The following ARNT2 variants were observed in gnomAD, a reference collection of about 807,000 sequenced individuals.
ARNT2 encodes the protein aryl hydrocarbon receptor nuclear translocator 2, also known as ARNT protein 2.
ARNT2 carries 36 observed loss-of-function variants against 91.7 expected under a neutral mutation model. The ratio of observed to expected loss-of-function variants is 0.39; its 90% CI spans 0.30 to 0.52. ARNT2 has a LOEUF of 0.52. ARNT2 is among the 20% of genes least tolerant of loss of function. The pLI, the probability that ARNT2 is intolerant of heterozygous loss-of-function variation, is 0.72. For synonymous variants in ARNT2, 365 were observed against 347.1 expected, an observed-to-expected ratio of 1.05 and a Z score of -0.57; for missense variants, 775 against 939.3, an observed-to-expected ratio of 0.83 and a Z score of 2.29.
intron 5 of ARNT2, among the ~76,000 whole-genome samples, chr15:80,494,478 G>A (rs1348255038): frequency 6.6e-6 from 1 of 152,092 alleles, no homozygotes; most frequent in African/African-American, 2.4e-5. Flanking sequence ...CATTTTTGTA[G>A]CATGATACCC....
chr15:80,453,387 G>A (rs770616779), intron 2 of ARNT2, among the ~76,000 whole-genome samples: 1 of 152,184 alleles, frequency 6.6e-6, no homozygotes, highest in Non-Finnish European at 1.5e-5. Context: ...GAGGGAGGGG[G>A]CACACAAACC....
rs1893270856 is a variant in ARNT2 at position 80,591,039 on chromosome 15, A to T, written c.1919-529A>T. Reference sequence around the variant, plus strand: ...CTTCCGAGGAGTTGCTCGGGGGCAGAGGCTGAGGTTGGGAATGCCAAGATG... The same window carrying T: ...CTTCCGAGGAGTTGCTCGGGGGCAGTGGCTGAGGTTGGGAATGCCAAGATG... On this transcript the variant is annotated intron_variant, in intron 17 of 18. Transcript: ENST00000303329. The surrounding 1 kb of genome is among the most constrained non-coding windows in gnomAD (Gnocchi z 5.1). 6.6e-6 allele frequency among the ~76,000 whole-genome samples: 1 copy of T among 152,204 alleles called. No homozygotes were observed. Among genetic ancestry groups the T allele is most frequent in the Non-Finnish European group, 1.5e-5 (1 of 68,030 alleles).
chr15:80,411,918 G>C (rs1007923934), intron 1 of ARNT2, among the ~76,000 whole-genome samples: 2 of 152,216 alleles, frequency 1.3e-5, no homozygotes, highest in Admixed American at 1.3e-4. Context: ...AGGGAAGTGG[G>C]ATCCTCCCAT....
chr15:80,562,894 C>A, intron 11 of ARNT2, 194 bp from the exon 12 acceptor site: 1 of 677,868 alleles, frequency 1.5e-6, no homozygotes, highest in Middle Eastern at 4.3e-4. Flanking sequence ...TGCAGCACCC[C>A]ATTTCACCAG....
chr15:80,562,963 C>A, intron 11 of ARNT2, 125 bp from the exon 12 acceptor site: 1 of 1,033,582 alleles, frequency 9.7e-7, no homozygotes, highest in Non-Finnish European at 1.5e-6. Flanking sequence ...TGTCTTTTAG[C>A]CACAATGCCC....
At chr15:80,425,936 C>A (rs927886015) in intron 1 of ARNT2, among the ~76,000 whole-genome samples, 3 of 152,104 alleles carry the variant, frequency 2.0e-5, no homozygotes, top group Non-Finnish European at 4.4e-5. Context: ...CCTGTGGTCC[C>A]AACTACTGTG....
At chr15:80,535,915 TTCA>T (rs1897815776) in intron 8 of ARNT2, among the ~76,000 whole-genome samples, 1 of 152,220 alleles carries the variant, frequency 6.6e-6, no homozygotes. Context: ...TTGTTTGTTT[TTCA>T]GTTATTTTTA....
At chr15:80,517,291 G>A (rs1897452705) in intron 8 of ARNT2, among the ~76,000 whole-genome samples, 2 of 152,078 alleles carry the variant, frequency 1.3e-5, no homozygotes, top group African/African-American at 4.8e-5. Context: ...TGTTAACATG[G>A]TTTCTGAAGA....
chr15:80,542,675 G>T (rs57087680), intron 8 of ARNT2, among the ~76,000 whole-genome samples: 1 of 151,956 alleles, frequency 6.6e-6, no homozygotes, highest in African/African-American at 2.4e-5. Flanking sequence ...CATTGAATGA[G>T]GAACAAATGA....
intron 1 of ARNT2, among the ~76,000 whole-genome samples, chr15:80,412,504 GTGTA>G (rs1008915006): frequency 8.3e-5 from 5 of 60,534 alleles, no homozygotes; most frequent in Non-Finnish European, 1.4e-4. Context: ...TTGTGTGTGT[GTGTA>G]TATATATATA....
At chr15:80,496,407 A>G (rs917863004) in intron 5 of ARNT2, among the ~76,000 whole-genome samples, 1 of 152,188 alleles carries the variant, frequency 6.6e-6, no homozygotes, top group Non-Finnish European at 1.5e-5. Context: ...TCCAGCTGGT[A>G]AGGACGCTGC....
rs538143446 is a variant in ARNT2, at chr15:80,404,627, GC to G, written c.31+86del. 2,184 of 940,926 alleles carry G rather than the reference GC, an allele frequency of 2.3e-3. 43 individuals are homozygous for G. The African/African-American group carries it at 0.035, about 15-fold the overall frequency. 58.3% of individuals were successfully genotyped at this position (940,926 alleles called of 1,614,324 possible). ...CCGGAGCGGACCAGGCGCGCCGGGCGCCCCCGGGGGCGCGGAGCCGCAGCTC... is the reference window on the plus strand; with the variant it reads ...CCGGAGCGGACCAGGCGCGCCGGGCGCCCCGGGGGCGCGGAGCCGCAGCTC... On this transcript the variant is annotated intron_variant, in intron 1 of 18. Coordinates refer to ENST00000303329, the MANE Select transcript of ARNT2 (RefSeq NM_014862.4). This position sits in a 1 kb window ranked among gnomAD's most constrained non-coding sequence, Gnocchi z 5.5.
intron 10 of ARNT2, 107 bp downstream of exon 10, chr15:80,552,881 C>T (rs563661110): frequency 7.3e-7 from 1 of 1,372,050 alleles, no homozygotes; most frequent in African/African-American, 1.4e-5. Context: ...GGAGAAACAT[C>T]ATAAAGACCC....
intron 2 of ARNT2, among the ~76,000 whole-genome samples, chr15:80,454,273 A>T (rs998096387): frequency 6.6e-6 from 1 of 151,880 alleles, no homozygotes; most frequent in African/African-American, 2.4e-5. Flanking sequence ...ACTGGGGCAA[A>T]TTCAGTTGGG....
chr15:80,573,982 G>C, intron 12 of ARNT2, 166 bp from the exon 13 acceptor site: 5 of 602,554 alleles, frequency 8.3e-6, no homozygotes, highest in Non-Finnish European at 1.5e-5. Context: ...AATGTCTGGA[G>C]TCTTGATTTA....
At chr15:80,469,428 G>C (rs1402489391) in intron 3 of ARNT2, among the ~76,000 whole-genome samples, 1 of 151,468 alleles carries the variant, frequency 6.6e-6, no homozygotes, top group Non-Finnish European at 1.5e-5. Context: ...TAGCATTATT[G>C]GTCTACTTAG....
rs1382882496 is a variant in ARNT2 at position 80,430,225 on chromosome 15, G to A, written c.32-20655G>A. ...CCACGCTCTGTGCTGGATGCAACAGGCATGTGGCTGTGTGTCTGAGATCCT... is the reference window on the plus strand; with the variant it reads ...CCACGCTCTGTGCTGGATGCAACAGACATGTGGCTGTGTGTCTGAGATCCT... On this transcript the variant is annotated intron_variant, in intron 1 of 18. Coordinates refer to ENST00000303329, the MANE Select transcript of ARNT2 (RefSeq NM_014862.4). Among the ~76,000 whole-genome samples, 90 of 152,026 alleles carry A rather than the reference G, an allele frequency of 5.9e-4. 1 individual carries two copies. The highest frequency in any genetic ancestry group is 1.5e-5 in the Non-Finnish European group (1 of 68,004).
Position 80,580,400 on chromosome 15 carries a change from C to T in ARNT2, c.1614-11C>T. The T allele has an allele frequency of 6.2e-7, 1 of 1,614,006 alleles. No individual in the cohort carries two copies. The highest frequency in any genetic ancestry group is 8.5e-7 in the Non-Finnish European group (1 of 1,179,992). The stretch of plus-strand genomic sequence containing the variant: ...GTGTCCTCGGGATAAATGCATTTTC[C>T]TCTTTTCTAGCTCTTCAGTGGTTCA... On this transcript the variant is annotated splice_polypyrimidine_tract_variant and intron_variant, in intron 15 of 18. Coordinates refer to ENST00000303329, the MANE Select transcript of ARNT2 (RefSeq NM_014862.4).
At chr15:80,482,454 C>T (rs922098699) in intron 5 of ARNT2, among the ~76,000 whole-genome samples, 1 of 152,128 alleles carries the variant, frequency 6.6e-6, no homozygotes, top group East Asian at 1.9e-4. Context: ...TTTCACAGGT[C>T]AGGAGCATGA....
Sources: allele counts gnomAD v4.1 joint callset (sites outside exome capture counted in the v4.1 genomes callset), GRCh38; gene constraint gnomAD v4.1.1; non-coding constraint Gnocchi (gnomAD v3.1); transcripts MANE v1.5; gene names NCBI Gene and HGNC (gene_info 2026-07-23, HGNC 2026-07-21).